The following GDPD1 variants were observed in gnomAD, a reference collection of about 807,000 sequenced individuals.
The protein encoded by GDPD1 is glycerophosphodiester phosphodiesterase domain containing 1.
A neutral mutation model predicts 45.1 loss-of-function variants in GDPD1; 28 were observed. The ratio of observed to expected loss-of-function variants is 0.62; its 90% CI spans 0.46 to 0.85. The LOEUF is 0.85. Ranked by LOEUF, GDPD1 falls within the 40% of genes least tolerant of loss-of-function variation. The probability of loss-of-function intolerance (pLI) is 0.00; values close to 1 mark genes in which losing one functional copy is unlikely to be tolerated. For synonymous variants in GDPD1, 139 were observed against 131.4 expected (o/e 1.06, Z -0.40); for missense variants, 256 against 364.8 (o/e 0.70, Z 2.43).
At chr17:59,237,962 TAAAA>T (rs61080306) in intron 2 of GDPD1, among the ~76,000 whole-genome samples, 2 of 85,840 alleles carry the variant, frequency 2.3e-5, no homozygotes, top group Non-Finnish European at 4.4e-5. Flanking sequence ...GACTCCGTCT[TAAAA>T]AAAAAAAAAA....
Position 59,220,666 on chromosome 17 carries a change from C to G in GDPD1, c.57C>G (p.Thr19=). The change falls in exon 1 of 10, where the codon ACC becomes ACG. Residue 19 remains threonine (T), a synonymous_variant. Coordinates refer to ENST00000284116, the MANE Select transcript of GDPD1 (RefSeq NM_182569.4). ...LLSTLGGYLV[T]SFLLLKYPTL... ...CTACGCTAGGAGGATACTTGGTGACCTCATTCTTGTTGCTTAAATACCCGA... is the reference window on the plus strand; with the variant it reads ...CTACGCTAGGAGGATACTTGGTGACGTCATTCTTGTTGCTTAAATACCCGA... The G allele has an allele frequency of 6.2e-7, 1 of 1,614,182 alleles. No individual in the cohort carries two copies. Among genetic ancestry groups the G allele is most frequent in the Non-Finnish European group, 8.5e-7 (1 of 1,180,008 alleles).
chr17:59,275,654 T>C lies in GDPD1; in HGVS notation c.*1881T>C, dbSNP rs1196743911. The C allele has an allele frequency of 6.4e-6, 1 of 155,940 alleles. No homozygotes were observed. Among genetic ancestry groups the C allele is most frequent in the Non-Finnish European group, 1.4e-5 (1 of 70,242 alleles). 9.7% of individuals were successfully genotyped at this position (155,940 alleles called of 1,614,324 possible). On this transcript the variant is annotated 3_prime_UTR_variant, in exon 10 of 10. Coordinates refer to ENST00000284116, the MANE Select transcript of GDPD1 (RefSeq NM_182569.4). Reference sequence around the variant, plus strand: ...TTATGAACCCCCATAAAGATGTTCCTGATCTTTAAAACTCATTAATCTGAG... The same window carrying C: ...TTATGAACCCCCATAAAGATGTTCCCGATCTTTAAAACTCATTAATCTGAG...
At position 59,275,807 on chromosome 17, in the gene GDPD1, G is replaced by T. The variant is rs2047476215; in HGVS notation, c.*2034G>T. ...CATGATCTCAGATTGTGAGGTAAAT[G>T]TAATCTGGAATAATAAGTGTCTTTT... On this transcript the variant is annotated 3_prime_UTR_variant, in exon 10 of 10. Coordinates refer to ENST00000284116, the MANE Select transcript of GDPD1 (RefSeq NM_182569.4). The T allele has an allele frequency of 6.6e-6, 1 of 152,336 alleles. No homozygotes were observed. Among genetic ancestry groups the T allele is most frequent in the East Asian group, 1.9e-4 (1 of 5,188 alleles). The allele number at this position is 152,336 out of a possible 1,614,324, so 9.4% of individuals were successfully genotyped here.
chr17:59,255,291 G>C (rs2047287658), intron 4 of GDPD1, among the ~76,000 whole-genome samples: 1 of 151,946 alleles, frequency 6.6e-6, no homozygotes, highest in East Asian at 1.9e-4. Context: ...TAAATGATTA[G>C]AGTAATTAGA....
At chr17:59,246,906 T>A (rs1346212524) in intron 3 of GDPD1, among the ~76,000 whole-genome samples, 2 of 151,222 alleles carry the variant, frequency 1.3e-5, no homozygotes, top group African/African-American at 2.4e-5. Flanking sequence ...TAGCTGGGAT[T>A]ACAGACATGC....
intron 6 of GDPD1, among the ~76,000 whole-genome samples, chr17:59,261,272 A>G: frequency 6.6e-6 from 1 of 151,654 alleles, no homozygotes; most frequent in East Asian, 1.9e-4. Context: ...GGCCTAAAGC[A>G]AGTATGTTTT....
Position 59,248,665 on chromosome 17 carries a change from G to A in GDPD1, c.322-75G>A. ...CTGTATGTTAAAGAAGCATATCTTT[G>A]TGTCTTAATGTAACACATAAAAATC... On this transcript the variant is annotated intron_variant, in intron 3 of 9. Coordinates refer to ENST00000284116, the MANE Select transcript of GDPD1 (RefSeq NM_182569.4). The A allele has an allele frequency of 1.2e-5, 12 of 1,023,996 alleles. No homozygotes were observed. In the South Asian group the frequency reaches 1.7e-4, roughly 15 times the overall value. The allele number at this position is 1,023,996 out of a possible 1,614,324, so 63.4% of individuals were successfully genotyped here.
chr17:59,247,386 C>T (rs1341252369), intron 3 of GDPD1, among the ~76,000 whole-genome samples: 2 of 152,108 alleles, frequency 1.3e-5, no homozygotes, highest in East Asian at 1.9e-4. Context: ...TATTCAGTCC[C>T]CCCTTCCCTC....
intron 3 of GDPD1, among the ~76,000 whole-genome samples, chr17:59,247,691 G>A (rs544144132): frequency 3.7e-4 from 56 of 151,782 alleles, no homozygotes; most frequent in African/African-American, 1.2e-3. Context: ...GTGCAATGGC[G>A]CAATCTTGGC....
At chr17:59,242,341 G>A (rs1358790988) in intron 2 of GDPD1, among the ~76,000 whole-genome samples, 4 of 152,198 alleles carry the variant, frequency 2.6e-5, no homozygotes, top group African/African-American at 9.6e-5. Flanking sequence ...GGAATTACAG[G>A]TGTGAGCCAC....
intron 6 of GDPD1, among the ~76,000 whole-genome samples, chr17:59,263,772 G>T (rs1475747697): frequency 6.6e-6 from 1 of 151,798 alleles, no homozygotes; most frequent in African/African-American, 2.4e-5. Context: ...GAGCCACCAC[G>T]CCCAGCCTAC....
At position 59,224,270 on chromosome 17, in the gene GDPD1, TC is replaced by T. The variant is rs776866195; in HGVS notation, c.142+3520del. Reference sequence around the variant, plus strand: ...ACATAATAGAGTATGAAGTGATTACTCATATGGTTCAAATTCCATATTGCAA... The same window carrying T: ...ACATAATAGAGTATGAAGTGATTACTATATGGTTCAAATTCCATATTGCAA... On this transcript the variant is annotated intron_variant, in intron 1 of 9. Coordinates refer to ENST00000284116, the MANE Select transcript of GDPD1 (RefSeq NM_182569.4). Among the ~76,000 whole-genome samples the T allele has an allele frequency of 2.0e-5, 3 of 152,306 alleles. No individual in the cohort carries two copies. In the South Asian group the frequency reaches 6.2e-4, roughly 32 times the overall value.
At chr17:59,255,985 A>G (rs1272960208) in intron 4 of GDPD1, among the ~76,000 whole-genome samples, 1 of 149,164 alleles carries the variant, frequency 6.7e-6, no homozygotes, top group East Asian at 2.0e-4. Context: ...ATGCTACTGC[A>G]CTCCAGCCTT....
chr17:59,247,493 T>G (rs1285358020), intron 3 of GDPD1, among the ~76,000 whole-genome samples: 1 of 152,206 alleles, frequency 6.6e-6, no homozygotes, highest in African/African-American at 2.4e-5. Context: ...GCCTTTCAGA[T>G]TCCATACTCA....
chr17:59,227,708 C>T (rs1193585571), intron 1 of GDPD1, among the ~76,000 whole-genome samples: 4 of 151,990 alleles, frequency 2.6e-5, no homozygotes, highest in African/African-American at 9.7e-5. Context: ...GAATCTAATG[C>T]CATTGGTTAT....
At chr17:59,251,893 C>T (rs1004692026) in intron 4 of GDPD1, among the ~76,000 whole-genome samples, 3 of 146,864 alleles carry the variant, frequency 2.0e-5, no homozygotes, top group Non-Finnish European at 4.5e-5. Context: ...CACCTGTGGG[C>T]CTACCTAGGG....
intron 7 of GDPD1, among the ~76,000 whole-genome samples, chr17:59,267,918 C>T (rs866083513): frequency 1.3e-5 from 2 of 152,078 alleles, no homozygotes; most frequent in South Asian, 2.1e-4. Flanking sequence ...GATCCACCCA[C>T]CTCCTCCCAA....
intron 2 of GDPD1, among the ~76,000 whole-genome samples, chr17:59,240,829 C>T (rs1321820470): frequency 6.6e-6 from 1 of 152,138 alleles, no homozygotes; most frequent in African/African-American, 2.4e-5. Context: ...GTCTACAGTA[C>T]TGTATAGTAA....
chr17:59,240,115 AC>A (rs2047164257), intron 2 of GDPD1, among the ~76,000 whole-genome samples: 1 of 151,912 alleles, frequency 6.6e-6, no homozygotes, highest in African/African-American at 2.4e-5. Flanking sequence ...ATGTGGTGAA[AC>A]CCTGTCTCTA....
Sources: gnomAD v4.1 joint callset for allele counts (sites outside exome capture counted in the v4.1 genomes callset) on GRCh38, gnomAD v4.1.1 for gene constraint, MANE v1.5 for transcripts, NCBI Gene and HGNC (gene_info 2026-07-23, HGNC 2026-07-21) for gene names.